The following PAM variants were observed in gnomAD, a reference collection of about 807,000 sequenced individuals.
PAM encodes the protein peptidylglycine alpha-amidating monooxygenase, also known as peptidyl-glycine alpha-amidating monooxygenase.
Under a neutral mutation model 122.1 loss-of-function variants are expected in PAM, and 72 were observed. The observed-to-expected ratio is 0.59, with a 90% CI of 0.49 to 0.72. The LOEUF is 0.72. Among genes scored for constraint, PAM ranks in the 30% least tolerant of loss-of-function variants. The pLI is 0.00. For synonymous variants in PAM, 389 were observed against 404.4 expected (o/e 0.96, Z 0.46); for missense variants, 1,106 against 1,183.7 (o/e 0.93, Z 0.96).
intron 3 of PAM, among the ~76,000 whole-genome samples, chr5:102,869,114 T>C (rs186901811): frequency 2.0e-3 from 303 of 152,358 alleles, no homozygotes; most frequent in Non-Finnish European, 2.9e-3. Flanking sequence ...TCTCTGAGAC[T>C]ATGTGATTCC....
intron 24 of PAM, 146 bp downstream of exon 24, chr5:103,025,480 A>C: frequency 1.4e-6 from 1 of 698,612 alleles, no homozygotes; most frequent in Non-Finnish European, 2.6e-6. Flanking sequence ...ATTATTGTCT[A>C]TGTTCCAAAT....
chr5:103,019,176 C>G (rs1438874229), intron 22 of PAM, among the ~76,000 whole-genome samples: 1 of 152,192 alleles, frequency 6.6e-6, no homozygotes, highest in East Asian at 1.9e-4. Context: ...GGCCAGTCCC[C>G]ACTCAAGATC....
At chr5:102,886,533 T>C (rs2151208649) in intron 3 of PAM, among the ~76,000 whole-genome samples, 1 of 152,124 alleles carries the variant, frequency 6.6e-6, no homozygotes, top group East Asian at 1.9e-4. Flanking sequence ...AGTATTTAAA[T>C]ATCTGTCACT....
intron 3 of PAM, among the ~76,000 whole-genome samples, chr5:102,880,577 C>T (rs568415733): frequency 6.6e-6 from 1 of 152,160 alleles, no homozygotes; most frequent in South Asian, 2.1e-4. Context: ...TGCACAATCC[C>T]TGGAACAAGG....
At chr5:102,832,367 T>C (rs185488055) in intron 1 of PAM, among the ~76,000 whole-genome samples, 2 of 152,174 alleles carry the variant, frequency 1.3e-5, no homozygotes, top group Admixed American at 6.6e-5. Flanking sequence ...TTTTCTTTGA[T>C]TCCTATGTAC....
chr5:102,883,685 C>T (rs535465629), intron 3 of PAM, among the ~76,000 whole-genome samples: 26 of 151,960 alleles, frequency 1.7e-4, no homozygotes, highest in South Asian at 1.0e-3. Context: ...TCCTGATTAA[C>T]GATGTGAATG....
intron 1 of PAM, among the ~76,000 whole-genome samples, chr5:102,782,703 T>TTCTC (rs370769198): frequency 0.011 from 1,542 of 142,666 alleles, 26 homozygotes; most frequent in African/African-American, 0.038. Context: ...CTTTCTCCAT[T>TTCTC]TCTCTCTCTC....
chr5:102,955,591 G>A (rs1760442116), intron 12 of PAM, among the ~76,000 whole-genome samples: 1 of 151,988 alleles, frequency 6.6e-6, no homozygotes, highest in Admixed American at 6.6e-5. Flanking sequence ...GTATAAAACA[G>A]GAAGTTATCA....
At chr5:102,774,526 T>C (rs181400645) in intron 1 of PAM, among the ~76,000 whole-genome samples, 3 of 152,198 alleles carry the variant, frequency 2.0e-5, no homozygotes, top group African/African-American at 4.8e-5. Flanking sequence ...AGAAAGCAGA[T>C]AGAAAGCAGA....
chr5:103,016,888 T>C (rs1403855620), intron 21 of PAM, among the ~76,000 whole-genome samples: 1 of 152,196 alleles, frequency 6.6e-6, no homozygotes, highest in Non-Finnish European at 1.5e-5. Flanking sequence ...ACATGATAGC[T>C]TGATGGGAAT....
intron 1 of PAM, among the ~76,000 whole-genome samples, chr5:102,834,480 C>T (rs562703515): frequency 6.6e-6 from 1 of 152,222 alleles, no homozygotes; most frequent in East Asian, 1.9e-4. Flanking sequence ...ATAAGAAAAA[C>T]AAGTCATATT....
intron 4 of PAM, among the ~76,000 whole-genome samples, chr5:102,912,999 A>G (rs1428129697): frequency 6.6e-6 from 1 of 152,022 alleles, no homozygotes; most frequent in Non-Finnish European, 1.5e-5. Flanking sequence ...TGTCTCACAT[A>G]CACATTTTAG....
intron 12 of PAM, among the ~76,000 whole-genome samples, chr5:102,951,151 G>A (rs1193340802): frequency 1.3e-5 from 2 of 151,718 alleles, no homozygotes; most frequent in Non-Finnish European, 2.9e-5. Flanking sequence ...TTTCTCAAGT[G>A]CCTTTTTGCC....
chr5:102,960,454 A>G (rs1034993898), intron 13 of PAM, among the ~76,000 whole-genome samples: 2 of 152,058 alleles, frequency 1.3e-5, no homozygotes, highest in African/African-American at 4.8e-5. Flanking sequence ...AATGGTTATC[A>G]TCTCCAGCCA....
chr5:103,021,291 A>G (rs2151297999), intron 23 of PAM, among the ~76,000 whole-genome samples: 1 of 152,310 alleles, frequency 6.6e-6, no homozygotes, highest in Non-Finnish European at 1.5e-5. Flanking sequence ...CCACCAATTC[A>G]TTCACTATAA....
chr5:102,869,407 G>A (rs538078889), intron 3 of PAM, among the ~76,000 whole-genome samples: 10 of 152,258 alleles, frequency 6.6e-5, no homozygotes, highest in East Asian at 3.9e-4. Context: ...GCTTGGTGAC[G>A]TCACTACTTA....
At chr5:102,764,705 C>T (rs1753366894) in intron 1 of PAM, among the ~76,000 whole-genome samples, 1 of 152,146 alleles carries the variant, frequency 6.6e-6, no homozygotes, top group South Asian at 2.1e-4. Flanking sequence ...CAACTACAAT[C>T]CCAGGTTGCT....
chr5:102,909,793 G>A (rs1011638572), intron 4 of PAM, among the ~76,000 whole-genome samples: 1 of 151,806 alleles, frequency 6.6e-6, no homozygotes, highest in African/African-American at 2.4e-5. Context: ...TGTATAACAC[G>A]ATTACATTGG....
intron 1 of PAM, among the ~76,000 whole-genome samples, chr5:102,773,635 G>T (rs1210019859): frequency 6.6e-6 from 1 of 152,140 alleles, no homozygotes; most frequent in Non-Finnish European, 1.5e-5. Flanking sequence ...TGTGGGCCTA[G>T]TTATGGAGGC....
Sources: gnomAD v4.1 joint callset for allele counts (sites outside exome capture counted in the v4.1 genomes callset) on GRCh38, gnomAD v4.1.1 for gene constraint, MANE v1.5 for transcripts, NCBI Gene and HGNC (gene_info 2026-07-23, HGNC 2026-07-21) for gene names.